LPP: variants seen among roughly 807,000 people sequenced by gnomAD.
LPP encodes LIM domain containing preferred translocation partner in lipoma.
Under a neutral mutation model 60.4 loss-of-function variants are expected in LPP, and 38 were observed. The observed-to-expected ratio is 0.63, with a 90% confidence interval of 0.49 to 0.83. LPP has a LOEUF of 0.83. LPP is among the 40% of genes least tolerant of loss of function. The probability of loss-of-function intolerance (pLI) is 0.00; values close to 1 mark genes in which losing one functional copy is unlikely to be tolerated. For synonymous variants in LPP, 328 were observed against 290.8 expected (o/e 1.13, Z -1.30); for missense variants, 902 against 783.6 (o/e 1.15, Z -1.80).
chr3:188,205,788 T>G (rs1733033554), intron 1 of LPP, among the ~76,000 whole-genome samples: 1 of 152,150 alleles, frequency 6.6e-6, no homozygotes, highest in Non-Finnish European at 1.5e-5. Flanking sequence ...AGCTGTTCTC[T>G]TCTGAGCCTG....
intron 3 of LPP, among the ~76,000 whole-genome samples, chr3:188,346,319 G>A (rs1764367582): frequency 1.4e-5 from 2 of 143,786 alleles, no homozygotes; most frequent in Non-Finnish European, 3.0e-5. Context: ...GAGTGCAGTG[G>A]CACGATCTTG....
Position 188,596,993 on chromosome 3 carries a change from C to G in LPP, c.430-12168C>G, listed in dbSNP as rs559510973. On this transcript the variant is annotated intron_variant, in intron 6 of 11. Transcript: ENST00000617246. ...TGCCCTGCTGCCTGGTGTGTATACA[C>G]TGAGATCCACTTTGTTAAAGAACAA... Among the ~76,000 whole-genome samples the G allele has an allele frequency of 3.9e-5, 6 of 152,254 alleles. No homozygotes were observed. The East Asian group carries it at 9.7e-4, about 25-fold the overall frequency.
chr3:188,524,616 AT>A, intron 5 of LPP, 48 bp from the exon 6 acceptor site: 1 of 1,559,582 alleles, frequency 6.4e-7, no homozygotes, highest in Non-Finnish European at 8.7e-7. Context: ...ACTTATAATG[AT>A]ATCAAGGGAA....
chr3:188,797,538 A>G (rs1417503358), intron 9 of LPP, among the ~76,000 whole-genome samples: 3 of 152,164 alleles, frequency 2.0e-5, no homozygotes, highest in South Asian at 2.1e-4. Flanking sequence ...GGCATATCCT[A>G]CACTCTAGCC....
intron 6 of LPP, among the ~76,000 whole-genome samples, chr3:188,583,213 T>C (rs1836660954): frequency 1.3e-5 from 2 of 152,160 alleles, no homozygotes; most frequent in South Asian, 4.1e-4. Flanking sequence ...GGAACAGTAA[T>C]TGAACTTTTC....
intron 6 of LPP, among the ~76,000 whole-genome samples, chr3:188,570,144 G>T (rs1833193020): frequency 6.6e-6 from 1 of 151,198 alleles, no homozygotes; most frequent in Non-Finnish European, 1.5e-5. Flanking sequence ...TTCATAATTT[G>T]ATGCAGAGAA....
intron 9 of LPP, among the ~76,000 whole-genome samples, chr3:188,864,182 CTG>C (rs1560310746): frequency 6.6e-6 from 1 of 152,148 alleles, no homozygotes; most frequent in Non-Finnish European, 1.5e-5. Flanking sequence ...TGCGTTTAGA[CTG>C]TGACCAGAGG....
chr3:188,327,629 G>T (rs1758813694), intron 2 of LPP, among the ~76,000 whole-genome samples: 1 of 152,158 alleles, frequency 6.6e-6, no homozygotes, highest in African/African-American at 2.4e-5. Context: ...CTGACCAGTG[G>T]CCTCTTGTAT....
At chr3:188,372,152 G>T (rs1241525125) in intron 3 of LPP, among the ~76,000 whole-genome samples, 2 of 151,990 alleles carry the variant, frequency 1.3e-5, no homozygotes, top group East Asian at 3.9e-4. Flanking sequence ...TGTTGTAGAA[G>T]TTGAAAGGGG....
chr3:188,516,959 T>C (rs1817550612), intron 5 of LPP, among the ~76,000 whole-genome samples: 1 of 152,162 alleles, frequency 6.6e-6, no homozygotes, highest in African/African-American at 2.4e-5. Flanking sequence ...AGAAGCCCCA[T>C]CTACTGAAGC....
intron 2 of LPP, among the ~76,000 whole-genome samples, chr3:188,240,915 T>G (rs2149460362): frequency 6.6e-6 from 1 of 152,340 alleles, no homozygotes; most frequent in East Asian, 1.9e-4. Flanking sequence ...CAAGGCCAGT[T>G]AGGGAACATT....
chr3:188,211,870 C>T (rs1300741973), intron 1 of LPP, among the ~76,000 whole-genome samples: 4 of 151,622 alleles, frequency 2.6e-5, no homozygotes, highest in African/African-American at 4.9e-5. Context: ...TCTTATTGCC[C>T]AGGCTGACAT....
rs550968242 is a variant in LPP at position 188,348,173 on chromosome 3, T to C, written c.-10+6454T>C. Among the ~76,000 whole-genome samples, 3 of 150,794 alleles carry C rather than the reference T, an allele frequency of 2.0e-5. No individual in the cohort carries two copies. The East Asian group carries it at 5.9e-4, about 30-fold the overall frequency. On this transcript the variant is annotated intron_variant, in intron 3 of 11. Coordinates refer to ENST00000617246, the MANE Select transcript of LPP (RefSeq NM_001375462.1). ...TCTTTCTTTTTTTTTTGAGATGGAG[T>C]TTTGCTCTTATTGCTCAGGCTGGAG...
At chr3:188,799,616 G>A (rs1160174139) in intron 9 of LPP, among the ~76,000 whole-genome samples, 1 of 152,012 alleles carries the variant, frequency 6.6e-6, no homozygotes, top group African/African-American at 2.4e-5. Flanking sequence ...CATGTTTTCT[G>A]TCTTCAGAAT....
intron 7 of LPP, among the ~76,000 whole-genome samples, chr3:188,673,385 A>T (rs1487002894): frequency 6.6e-6 from 1 of 152,198 alleles, no homozygotes. Flanking sequence ...GGTGGTATTC[A>T]TCCACATCAA....
At chr3:188,589,974 TG>T (rs746000220) in intron 6 of LPP, among the ~76,000 whole-genome samples, 30 of 152,312 alleles carry the variant, frequency 2.0e-4, no homozygotes, top group South Asian at 1.9e-3. Context: ...GTTGCAGCAT[TG>T]TTGTCATGTC....
At chr3:188,798,989 G>A (rs1746216595) in intron 9 of LPP, among the ~76,000 whole-genome samples, 1 of 152,160 alleles carries the variant, frequency 6.6e-6, no homozygotes, top group Admixed American at 6.5e-5. Flanking sequence ...TTATTTAATT[G>A]CCAGTTCAGC....
intron 4 of LPP, among the ~76,000 whole-genome samples, chr3:188,480,874 C>G (rs1225627782): frequency 6.6e-6 from 1 of 152,220 alleles, no homozygotes; most frequent in Non-Finnish European, 1.5e-5. Flanking sequence ...CCAGAAGGAT[C>G]ACCACCTAGG....
intron 5 of LPP, among the ~76,000 whole-genome samples, chr3:188,486,871 A>G (rs1048063189): frequency 2.0e-5 from 3 of 152,208 alleles, no homozygotes; most frequent in Non-Finnish European, 4.4e-5. Context: ...TAAAACCAAT[A>G]TGAGTGATTT....
Sources: allele counts gnomAD v4.1 joint callset (sites outside exome capture counted in the v4.1 genomes callset), GRCh38; gene constraint gnomAD v4.1.1; transcripts MANE v1.5; gene names NCBI Gene and HGNC (gene_info 2026-07-23, HGNC 2026-07-21).